RFT1: variants seen among roughly 807,000 people sequenced by gnomAD.
The protein encoded by RFT1 is RFT1 glycolipid translocator homolog, also known as man(5)GlcNAc(2)-PP-dolichol translocation protein RFT1.
Under a neutral mutation model 62.2 loss-of-function variants are expected in RFT1, and 43 were observed. The ratio of observed to expected loss-of-function variants is 0.69; its 90% CI spans 0.54 to 0.89. The LOEUF is 0.89. RFT1 is among the 40% of genes least tolerant of loss of function. The probability of loss-of-function intolerance (pLI) is 0.00; values close to 1 mark genes in which losing one functional copy is unlikely to be tolerated. For missense variants in RFT1, 605 were observed against 649.9 expected, an observed-to-expected ratio of 0.93 and a Z score of 0.75; for synonymous variants, 262 against 264.6, an observed-to-expected ratio of 0.99 and a Z score of 0.10.
At chr3:53,099,633 G>T (rs551592926) in intron 10 of RFT1, 147 bp from the exon 11 acceptor site, 2 of 689,166 alleles carry the variant, frequency 2.9e-6, no homozygotes, top group Non-Finnish European at 2.6e-6. Flanking sequence ...AGAGCCCAGG[G>T]TCTTAATAAT....
In RFT1 at chr3:53,122,129, A is replaced by G. The variant is rs1701986376; in HGVS notation, c.456+245T>C. Among the ~76,000 whole-genome samples, 4 of 152,202 alleles carry G rather than the reference A, an allele frequency of 2.6e-5. No homozygotes were observed. The South Asian group carries it at 8.3e-4, about 32-fold the overall frequency. ...ACCTTTACGGTCCTTCTAAATTCTGACTTGAACTAATAAATTATTAGCAAA... is the reference window on the plus strand; with the variant it reads ...ACCTTTACGGTCCTTCTAAATTCTGGCTTGAACTAATAAATTATTAGCAAA... On this transcript the variant is annotated intron_variant, in intron 4 of 12. Transcript: ENST00000296292.
At chr3:53,077,954 G>A in the RFT1 span, 1 of 152,258 alleles carries the variant, frequency 6.6e-6, no homozygotes, top group Non-Finnish European at 1.5e-5. Context: ...GAACCCAGGC[G>A]ATCTGAACGG....
chr3:53,096,501 G>A lies in RFT1; in HGVS notation c.1208+2880C>T, dbSNP rs561971481. Among the ~76,000 whole-genome samples the A allele has an allele frequency of 9.7e-4, 148 of 151,998 alleles. 2 individuals are homozygous for A. Among genetic ancestry groups the A allele is most frequent in the Non-Finnish European group, 9.9e-4 (67 of 67,968 alleles). On this transcript the variant is annotated intron_variant, in intron 11 of 12. Transcript: ENST00000296292. Reference sequence around the variant, plus strand: ...GTTCGAGACCAGCCTGGCCAACATGGTGAAACCCTGTCTCTACTAAAAATA... The same window carrying A: ...GTTCGAGACCAGCCTGGCCAACATGATGAAACCCTGTCTCTACTAAAAATA...
chr3:53,095,568 T>G (rs1701116063), intron 11 of RFT1, among the ~76,000 whole-genome samples: 1 of 151,944 alleles, frequency 6.6e-6, no homozygotes, highest in Non-Finnish European at 1.5e-5. Context: ...AATACAAAAA[T>G]TAGCTGGGCA....
At chr3:53,100,450 T>C (rs1261849136) in intron 10 of RFT1, among the ~76,000 whole-genome samples, 2 of 152,126 alleles carry the variant, frequency 1.3e-5, no homozygotes, top group Non-Finnish European at 2.9e-5. Context: ...CCAACAGAAA[T>C]GAACACACAT....
At chr3:53,104,192 A>G (rs986038663) in intron 9 of RFT1, 95 bp from the exon 10 acceptor site, 2 of 1,304,102 alleles carry the variant, frequency 1.5e-6, no homozygotes, top group Non-Finnish European at 2.2e-6. Flanking sequence ...ACTGTTTTAC[A>G]GTTCACTCTT....
At chr3:53,113,389 G>C (rs1267762254) in intron 6 of RFT1, among the ~76,000 whole-genome samples, 1 of 138,864 alleles carries the variant, frequency 7.2e-6, no homozygotes, top group East Asian at 2.0e-4. Context: ...CTTCTCAATG[G>C]TAGGATTTCA....
chr3:53,122,870 C>T (rs1360227274), intron 3 of RFT1, among the ~76,000 whole-genome samples: 1 of 152,190 alleles, frequency 6.6e-6, no homozygotes, highest in Non-Finnish European at 1.5e-5. Context: ...AACTCCAAAG[C>T]CTAAACTTCT....
chr3:53,075,963 G>T, the RFT1 span, among the ~76,000 whole-genome samples: 1,548 of 152,320 alleles, frequency 0.01, 13 homozygotes, highest in Non-Finnish European at 0.016. Context: ...GGTGATCAGA[G>T]AAAAGTGGGG....
At chr3:53,113,965 G>GTCTCTGATTCT (rs1400014714) in intron 6 of RFT1, among the ~76,000 whole-genome samples, 1 of 152,224 alleles carries the variant, frequency 6.6e-6, no homozygotes, top group Non-Finnish European at 1.5e-5. Context: ...CAGGGAATCA[G>GTCTCTGATTCT]AGAACCTAGA....
intron 5 of RFT1, 91 bp from the exon 6 acceptor site, chr3:53,120,112 CTT>C: frequency 9.6e-7 from 1 of 1,041,018 alleles, no homozygotes; most frequent in South Asian, 1.7e-5. Flanking sequence ...ATAGAACTCT[CTT>C]GATTAACTGC....
chr3:53,112,948 T>C (rs1701693085), intron 6 of RFT1, among the ~76,000 whole-genome samples: 1 of 152,044 alleles, frequency 6.6e-6, no homozygotes, highest in Non-Finnish European at 1.5e-5. Context: ...CAGTTCTCTC[T>C]GGGGCCCCCT....
intron 6 of RFT1, among the ~76,000 whole-genome samples, chr3:53,116,444 C>T (rs1701799221): frequency 6.6e-6 from 1 of 152,098 alleles, no homozygotes; most frequent in South Asian, 2.1e-4. Context: ...CAGGCATGTG[C>T]CACCATGCCC....
At chr3:53,080,240 T>G in the RFT1 span, among the ~76,000 whole-genome samples, 1 of 152,228 alleles carries the variant, frequency 6.6e-6, no homozygotes, top group Non-Finnish European at 1.5e-5. Context: ...CTTCTTGTCC[T>G]GGGGAGGTGT....
At position 53,115,083 on chromosome 3, in the gene RFT1, CCT is replaced by C. The variant is rs1332282494; in HGVS notation, c.697-3177_697-3176del. On this transcript the variant is annotated intron_variant, in intron 6 of 12. Transcript: ENST00000296292. ...TCCTCCCACTTTCATCCATCCTCCC[CCT>C]GTCCTTACTCCTCACCTGGACAATT... Among the ~76,000 whole-genome samples the C allele has an allele frequency of 6.6e-5, 10 of 152,308 alleles. No individual in the cohort carries two copies. In the East Asian group the frequency reaches 1.2e-3, roughly 18 times the overall value.
intron 6 of RFT1, among the ~76,000 whole-genome samples, chr3:53,117,210 G>A (rs889974369): frequency 2.6e-5 from 4 of 152,214 alleles, no homozygotes; most frequent in Non-Finnish European, 2.9e-5. Context: ...CATGTAAAGT[G>A]CTTGGTGTAG....
intron 10 of RFT1, chr3:53,103,295 C>G (rs4337632): frequency 0.58 from 567,116 of 984,256 alleles, 166,683 homozygotes; most frequent in East Asian, 0.73. Flanking sequence ...CTTTGCTAAA[C>G]CCAAGATGAA....
intron 2 of RFT1, among the ~76,000 whole-genome samples, chr3:53,124,377 TTAGCGAGGA>T (rs1702053404): frequency 6.6e-6 from 1 of 152,134 alleles, no homozygotes; most frequent in South Asian, 2.1e-4. Flanking sequence ...TTCCTGCATC[TTAGCGAGGA>T]GTAGCTGAGA....
chr3:53,121,579 C>A (rs1485117606), intron 5 of RFT1, 120 bp downstream of exon 5: 13 of 805,470 alleles, frequency 1.6e-5, no homozygotes, highest in Non-Finnish European at 2.8e-5. Flanking sequence ...CCTTCTGGTG[C>A]TTCCACCTCC....
Sources: gnomAD v4.1 joint callset for allele counts (sites outside exome capture counted in the v4.1 genomes callset) on GRCh38, gnomAD v4.1.1 for gene constraint, MANE v1.5 for transcripts, NCBI Gene and HGNC (gene_info 2026-07-23, HGNC 2026-07-21) for gene names.